STXBP5L: variants seen among roughly 807,000 people sequenced by gnomAD.
The protein encoded by STXBP5L is syntaxin-binding protein 5-like.
Under a neutral mutation model 144.5 loss-of-function variants are expected in STXBP5L, and 65 were observed. That is an observed-to-expected ratio of 0.45 (90% confidence interval 0.37 to 0.55). STXBP5L has a LOEUF of 0.55. STXBP5L is among the 20% of genes least tolerant of loss of function. The pLI is 0.00. For missense variants in STXBP5L, 1,298 were observed against 1,405.5 expected, an observed-to-expected ratio of 0.92 and a Z score of 1.22; for synonymous variants, 505 against 469.6, an observed-to-expected ratio of 1.08 and a Z score of -0.97.
At chr3:120,951,478 T>A (rs1711221853) in intron 2 of STXBP5L, among the ~76,000 whole-genome samples, 2 of 151,154 alleles carry the variant, frequency 1.3e-5, no homozygotes, top group African/African-American at 2.4e-5. Flanking sequence ...AACAACCCCA[T>A]CAAAAAGTGG....
intron 5 of STXBP5L, chr3:121,099,673 A>C (rs533554169): frequency 6.5e-6 from 1 of 153,272 alleles, no homozygotes; most frequent in Non-Finnish European, 1.5e-5. Flanking sequence ...TAGTTTAATT[A>C]GTTTGCAAAA....
At chr3:121,027,692 C>T (rs1014232453) in intron 3 of STXBP5L, among the ~76,000 whole-genome samples, 1 of 151,956 alleles carries the variant, frequency 6.6e-6, no homozygotes, top group Non-Finnish European at 1.5e-5. Flanking sequence ...GTGAGCCCAC[C>T]TGAATAATCC....
intron 3 of STXBP5L, among the ~76,000 whole-genome samples, chr3:121,013,506 C>T (rs1458324149): frequency 1.1e-4 from 17 of 151,970 alleles, no homozygotes; most frequent in Admixed American, 1.1e-3. Context: ...GGATAAGTGT[C>T]TGTTCATGAT....
At chr3:121,163,937 A>G (rs1393812651) in intron 9 of STXBP5L, among the ~76,000 whole-genome samples, 1 of 152,194 alleles carries the variant, frequency 6.6e-6, no homozygotes, top group Non-Finnish European at 1.5e-5. Context: ...GTTCTTTAAA[A>G]AACAGGTTTA....
At chr3:121,095,430 A>G (rs1202292363) in intron 5 of STXBP5L, among the ~76,000 whole-genome samples, 2 of 152,096 alleles carry the variant, frequency 1.3e-5, no homozygotes, top group Non-Finnish European at 2.9e-5. Flanking sequence ...CACCAATCAG[A>G]TGTGGATTTG....
Position 121,347,864 on chromosome 3 carries a change from C to T in STXBP5L, c.2176+29324C>T, listed in dbSNP as rs906470428. ...AGCTTAAGGAGATTTTGGGTTGAGACGATGGGGTTTTCTAGATATACAGTC... is the reference window on the plus strand; with the variant it reads ...AGCTTAAGGAGATTTTGGGTTGAGATGATGGGGTTTTCTAGATATACAGTC... On this transcript the variant is annotated intron_variant, in intron 20 of 26. Transcript: ENST00000471454. Among the ~76,000 whole-genome samples the T allele has an allele frequency of 1.1e-3, 174 of 152,232 alleles. 1 individual carries two copies. The highest frequency in any genetic ancestry group is 3.7e-3 in the African/African-American group (153 of 41,542).
chr3:121,332,513 G>C (rs2108561661), intron 20 of STXBP5L, among the ~76,000 whole-genome samples: 1 of 148,830 alleles, frequency 6.7e-6, no homozygotes, highest in African/African-American at 2.5e-5. Context: ...GTAGAAGAAA[G>C]AATTTCAGAG....
At chr3:121,094,091 T>A (rs917563932) in intron 5 of STXBP5L, among the ~76,000 whole-genome samples, 4 of 152,052 alleles carry the variant, frequency 2.6e-5, no homozygotes, top group East Asian at 1.9e-4. Context: ...TTTGAGTGAG[T>A]GTCTTAATCC....
intron 3 of STXBP5L, among the ~76,000 whole-genome samples, chr3:120,985,768 C>T (rs1942231853): frequency 6.6e-6 from 1 of 151,834 alleles, no homozygotes; most frequent in South Asian, 2.1e-4. Flanking sequence ...TAGTAATATT[C>T]CATTTTTCAT....
At chr3:121,353,655 TG>T (rs1486297761) in intron 20 of STXBP5L, among the ~76,000 whole-genome samples, 2 of 152,216 alleles carry the variant, frequency 1.3e-5, no homozygotes, top group Admixed American at 1.3e-4. Context: ...ATTAATTTTT[TG>T]AAGGGTTTTT....
intron 20 of STXBP5L, among the ~76,000 whole-genome samples, chr3:121,346,964 C>T (rs1350022511): frequency 2.0e-5 from 3 of 152,284 alleles, no homozygotes; most frequent in Non-Finnish European, 4.4e-5. Context: ...TAATTAGATC[C>T]CATTTGTCAA....
chr3:121,274,759 C>A (rs2050830744), intron 18 of STXBP5L, among the ~76,000 whole-genome samples: 1 of 152,148 alleles, frequency 6.6e-6, no homozygotes, highest in South Asian at 2.1e-4. Flanking sequence ...CCTGTGTCAT[C>A]TTTGGGGAAT....
chr3:121,284,048 G>T (rs1399997589), intron 19 of STXBP5L, among the ~76,000 whole-genome samples: 3 of 151,990 alleles, frequency 2.0e-5, no homozygotes, highest in Non-Finnish European at 4.4e-5. Flanking sequence ...AGCTAAATTG[G>T]AGACTGAAGG....
chr3:121,237,921 T>C (rs2049535817), intron 12 of STXBP5L, among the ~76,000 whole-genome samples: 1 of 152,186 alleles, frequency 6.6e-6, no homozygotes, highest in Non-Finnish European at 1.5e-5. Flanking sequence ...GTCTGAGACC[T>C]CATTAGCATA....
At chr3:120,988,166 C>G (rs1347090753) in intron 3 of STXBP5L, among the ~76,000 whole-genome samples, 1 of 147,788 alleles carries the variant, frequency 6.8e-6, no homozygotes, top group African/African-American at 2.5e-5. Context: ...GTTTATTTTG[C>G]TCTTTTTTTC....
At chr3:120,984,735 T>C (rs964128738) in intron 3 of STXBP5L, among the ~76,000 whole-genome samples, 44 of 151,350 alleles carry the variant, frequency 2.9e-4, no homozygotes, top group African/African-American at 1.0e-3. Context: ...TTCTTATTGT[T>C]GATTTTAAAA....
intron 3 of STXBP5L, among the ~76,000 whole-genome samples, chr3:120,976,078 T>C (rs567547976): frequency 6.6e-6 from 1 of 152,192 alleles, no homozygotes; most frequent in South Asian, 2.1e-4. Flanking sequence ...TTAGGGAGGT[T>C]TTCCTCTTTT....
chr3:121,366,068 C>T (rs899234762), intron 20 of STXBP5L, among the ~76,000 whole-genome samples: 1 of 151,834 alleles, frequency 6.6e-6, no homozygotes, highest in Non-Finnish European at 1.5e-5. Context: ...TTGTTAATTT[C>T]TCAATTGTAC....
intron 8 of STXBP5L, among the ~76,000 whole-genome samples, chr3:121,153,692 G>A (rs956462946): frequency 1.3e-5 from 2 of 151,666 alleles, no homozygotes; most frequent in African/African-American, 2.4e-5. Flanking sequence ...TGCACAATTC[G>A]TTATCAGTCA....
Sources: gnomAD v4.1 joint callset for allele counts (sites outside exome capture counted in the v4.1 genomes callset) on GRCh38, gnomAD v4.1.1 for gene constraint, MANE v1.5 for transcripts, NCBI Gene and HGNC (gene_info 2026-07-23, HGNC 2026-07-21) for gene names.